The following SLIT3 variants were observed in gnomAD, a reference collection of about 807,000 sequenced individuals.
The protein encoded by SLIT3 is slit guidance ligand 3, also known as slit homolog 3 protein.
In SLIT3, 68 loss-of-function variants were observed where a neutral mutation model predicts 184.0. The ratio of observed to expected loss-of-function variants is 0.37; its 90% CI spans 0.30 to 0.45. SLIT3 has a LOEUF of 0.45. SLIT3 is among the 20% of genes least tolerant of loss of function. SLIT3 has a pLI of 1.00. For missense variants in SLIT3, 1,707 were observed against 2,026.0 expected (o/e 0.84, Z 3.02); for synonymous variants, 831 against 828.6 (o/e 1.00, Z -0.05).
chr5:168,690,597 G>A (rs1274818787), intron 29 of SLIT3, among the ~76,000 whole-genome samples: 8 of 152,094 alleles, frequency 5.3e-5, no homozygotes, highest in East Asian at 3.9e-4. Context: ...CCCATACTTC[G>A]TAAAGATCAG....
chr5:169,164,567 T>C (rs1762575836), intron 4 of SLIT3, among the ~76,000 whole-genome samples: 2 of 152,234 alleles, frequency 1.3e-5, no homozygotes, highest in African/African-American at 4.8e-5. Context: ...CTCTCCGGGC[T>C]GTTCTGTCAT....
chr5:168,957,687 C>T (rs1159993378), intron 4 of SLIT3, among the ~76,000 whole-genome samples: 3 of 152,202 alleles, frequency 2.0e-5, no homozygotes, highest in Non-Finnish European at 2.9e-5. Flanking sequence ...CCCACCCCTA[C>T]AAGAGGTTCT....
At chr5:168,844,757 G>A in intron 5 of SLIT3, 102 bp from the exon 6 acceptor site, 3 of 1,004,332 alleles carry the variant, frequency 3.0e-6, no homozygotes, top group Non-Finnish European at 4.6e-6. Context: ...CCTTGCAGGC[G>A]CTGCTGGTCC....
chr5:168,994,441 A>G (rs950519925), intron 4 of SLIT3, among the ~76,000 whole-genome samples: 1 of 152,032 alleles, frequency 6.6e-6, no homozygotes, highest in African/African-American at 2.4e-5. Flanking sequence ...GTACCATCCC[A>G]GAATTTAGTT....
At position 168,710,993 on chromosome 5, in the gene SLIT3, G is replaced by C; in HGVS notation, c.2621C>G (p.Ala874Gly). 1 of 1,572,224 alleles carries C rather than the reference G, an allele frequency of 6.4e-7. No individual in the cohort carries two copies. Among genetic ancestry groups the C allele is most frequent in the East Asian group, 2.3e-5 (1 of 42,620 alleles). ...GGCGATGCCAGGCTCCTTGTACCCC[G>C]CCTTCACCCACTCCGACAGCCACCG... ...SLRWLSEWVK[A>G]GYKEPGIARC... Residue 874 changes from alanine (A) to glycine (G), a missense_variant, in exon 25 of 36, where the codon GCG becomes GGG. Coordinates refer to ENST00000519560, the MANE Select transcript of SLIT3 (RefSeq NM_003062.4).
rs146927190 is a variant in SLIT3, at chr5:169,221,885, T to C, written c.341+22820A>G. The stretch of plus-strand genomic sequence containing the variant: ...CAGAGATTGCTTTACATCTTAATGA[T>C]ACTGGGAAATACATAGGATGTACAG... On this transcript the variant is annotated intron_variant, in intron 3 of 35. Transcript: ENST00000519560. 2.0e-4 allele frequency among the ~76,000 whole-genome samples: 31 copies of C among 152,312 alleles called. 1 individual carries two copies. Among genetic ancestry groups the C allele is most frequent in the African/African-American group, 7.0e-4 (29 of 41,582 alleles).
chr5:168,897,134 T>C (rs1304766133), intron 4 of SLIT3, among the ~76,000 whole-genome samples: 1 of 6,600 alleles, frequency 1.5e-4, no homozygotes, highest in African/African-American at 1.7e-4. Context: ...CTAGGGTGAC[T>C]ACTATGTACC....
chr5:168,679,141 C>A (rs968361515), intron 32 of SLIT3, among the ~76,000 whole-genome samples: 2 of 152,224 alleles, frequency 1.3e-5, no homozygotes, highest in African/African-American at 4.8e-5. Context: ...TCACTGCAGC[C>A]TTGACCTCCA....
At chr5:168,694,603 CTT>C (rs1288667120) in intron 28 of SLIT3, among the ~76,000 whole-genome samples, 1 of 152,116 alleles carries the variant, frequency 6.6e-6, no homozygotes, top group Non-Finnish European at 1.5e-5. Flanking sequence ...GTCTCTCTCT[CTT>C]TCTTTATCTC....
At chr5:168,680,150 C>A (rs573782806) in intron 32 of SLIT3, among the ~76,000 whole-genome samples, 1 of 152,252 alleles carries the variant, frequency 6.6e-6, no homozygotes, top group African/African-American at 2.4e-5. Flanking sequence ...GCTACTGTAG[C>A]CCCCACCACT....
chr5:168,768,475 G>C (rs1026489006), intron 14 of SLIT3, among the ~76,000 whole-genome samples: 2 of 152,150 alleles, frequency 1.3e-5, no homozygotes, highest in Non-Finnish European at 2.9e-5. Context: ...ATCACTGGAT[G>C]CCCATACTCG....
rs980769099 is a variant in SLIT3 at position 169,011,208 on chromosome 5, C to T, written c.414-127872G>A. 1.2e-4 allele frequency among the ~76,000 whole-genome samples: 18 copies of T among 152,238 alleles called. No homozygotes were observed. The East Asian group carries it at 1.5e-3, about 13-fold the overall frequency. On this transcript the variant is annotated intron_variant, in intron 4 of 35. Transcript: ENST00000519560. The stretch of plus-strand genomic sequence containing the variant: ...TCCAGCATCCCAGAAATGACATCAC[C>T]GAGTTCTGTTCCAAAATGGCTCTTA...
chr5:169,152,384 C>T (rs1266201993), intron 4 of SLIT3, among the ~76,000 whole-genome samples: 3 of 152,204 alleles, frequency 2.0e-5, no homozygotes, highest in African/African-American at 7.2e-5. Flanking sequence ...CTGCAGGTGT[C>T]CCGCGTGCAT....
chr5:168,982,927 A>T (rs1210560150), intron 4 of SLIT3, among the ~76,000 whole-genome samples: 2 of 152,158 alleles, frequency 1.3e-5, no homozygotes, highest in African/African-American at 4.8e-5. Context: ...TGGCTCTGAG[A>T]CCTTATTTCA....
intron 4 of SLIT3, among the ~76,000 whole-genome samples, chr5:169,031,505 G>T (rs1757024668): frequency 6.6e-6 from 1 of 152,180 alleles, no homozygotes; most frequent in South Asian, 2.1e-4. Context: ...ACCCAAACAG[G>T]AGGTCAGGGA....
At position 168,961,858 on chromosome 5, in the gene SLIT3, A is replaced by ATGTGTGTGTG. The variant is rs35895529; in HGVS notation, c.414-78532_414-78523dup. Among the ~76,000 whole-genome samples, 5 of 148,516 alleles carry ATGTGTGTGTG rather than the reference A, an allele frequency of 3.4e-5. No individual in the cohort carries two copies. In the East Asian group the frequency reaches 7.9e-4, roughly 24 times the overall value. ...TACTATTTCAGGCATGCATGCACGC[A>ATGTGTGTGTG]TGTGTGTGTGTGTGTGTGTGTGTGT... On this transcript the variant is annotated intron_variant, in intron 4 of 35. Coordinates refer to ENST00000519560, the MANE Select transcript of SLIT3 (RefSeq NM_003062.4).
At chr5:169,006,605 T>TCTCTCTCACACA (rs899753279) in intron 4 of SLIT3, among the ~76,000 whole-genome samples, 1 of 145,794 alleles carries the variant, frequency 6.9e-6, no homozygotes, top group African/African-American at 2.6e-5. Flanking sequence ...TCTCTCTCTC[T>TCTCTCTCACACA]CACACACACA....
intron 6 of SLIT3, 107 bp downstream of exon 6, chr5:168,844,477 A>G: frequency 9.8e-7 from 1 of 1,018,906 alleles, no homozygotes; most frequent in Non-Finnish European, 1.5e-6. Context: ...ATGCATTCAC[A>G]CAGACCCTCC....
intron 5 of SLIT3, among the ~76,000 whole-genome samples, chr5:168,846,850 A>T (rs1758490844): frequency 6.6e-6 from 1 of 152,238 alleles, no homozygotes; most frequent in African/African-American, 2.4e-5. Context: ...CTACATGTAC[A>T]GAATTTTATG....
Sources: gnomAD v4.1 joint callset for allele counts (sites outside exome capture counted in the v4.1 genomes callset) on GRCh38, gnomAD v4.1.1 for gene constraint, MANE v1.5 for transcripts, NCBI Gene and HGNC (gene_info 2026-07-23, HGNC 2026-07-21) for gene names.